Variants in AKT3 observed in about 807,000 individuals in gnomAD.
AKT3 encodes the protein AKT serine/threonine kinase 3.
AKT3 carries 15 observed loss-of-function variants against 65.3 expected under a neutral mutation model. That is an observed-to-expected ratio of 0.23 (90% CI 0.15 to 0.35). The LOEUF (loss-of-function observed/expected upper bound fraction) is 0.35, where lower values mean the gene tolerates loss of function less well. Among genes scored for constraint, AKT3 ranks in the 10% least tolerant of loss-of-function variants. AKT3 has a pLI of 1.00. For missense variants in AKT3, 243 were observed against 576.5 expected (o/e 0.42, Z 5.92); for synonymous variants, 206 against 183.8 (o/e 1.12, Z -0.98).
intron 6 of AKT3, among the ~76,000 whole-genome samples, chr1:243,619,174 A>G (rs989730433): frequency 3.3e-5 from 5 of 152,118 alleles, no homozygotes; most frequent in African/African-American, 1.2e-4. Flanking sequence ...GGAAGACACG[A>G]ATCAGGTGGG....
At chr1:243,792,987 G>A (rs993912800) in intron 2 of AKT3, among the ~76,000 whole-genome samples, 1 of 152,174 alleles carries the variant, frequency 6.6e-6, no homozygotes, top group Admixed American at 6.5e-5. Flanking sequence ...TGTCAGAACA[G>A]AAACAAACTT....
intron 2 of AKT3, among the ~76,000 whole-genome samples, chr1:243,718,644 T>A (rs1686673999): frequency 2.3e-5 from 1 of 44,186 alleles, no homozygotes. Flanking sequence ...CTTTTTTGTA[T>A]TTTTTTTTTC....
intron 10 of AKT3, among the ~76,000 whole-genome samples, chr1:243,554,597 T>C (rs369281707): frequency 6.6e-6 from 1 of 152,340 alleles, no homozygotes; most frequent in African/African-American, 2.4e-5. Flanking sequence ...TGACTTTTGA[T>C]GATTCAAGGA....
At chr1:243,527,108 T>C (rs1012152051) in intron 12 of AKT3, among the ~76,000 whole-genome samples, 1 of 152,200 alleles carries the variant, frequency 6.6e-6, no homozygotes, top group Non-Finnish European at 1.5e-5. Context: ...AGATGTTTAA[T>C]GAATAAACCG....
chr1:243,790,010 TTTTTCCACTGA>T (rs1359867208), intron 2 of AKT3, among the ~76,000 whole-genome samples: 1 of 152,182 alleles, frequency 6.6e-6, no homozygotes, highest in Non-Finnish European at 1.5e-5. Flanking sequence ...CCAGGCTCTC[TTTTTCCACTGA>T]TAGAGCACAG....
At chr1:243,763,467 C>G (rs1689624273) in intron 2 of AKT3, among the ~76,000 whole-genome samples, 1 of 152,016 alleles carries the variant, frequency 6.6e-6, no homozygotes, top group Non-Finnish European at 1.5e-5. Context: ...AAAACCCATT[C>G]AGGACAAAAG....
intron 6 of AKT3, among the ~76,000 whole-genome samples, chr1:243,629,689 G>A (rs1679454938): frequency 6.6e-6 from 1 of 152,204 alleles, no homozygotes; most frequent in Admixed American, 6.5e-5. Context: ...CTACTCAGGA[G>A]GCTGAGGCAG....
At chr1:243,610,743 T>G (rs1677809222) in intron 8 of AKT3, among the ~76,000 whole-genome samples, 1 of 152,182 alleles carries the variant, frequency 6.6e-6, no homozygotes, top group African/African-American at 2.4e-5. Flanking sequence ...GTGCATAATT[T>G]CAGAGATACT....
chr1:243,639,031 G>A (rs552232724), intron 5 of AKT3, among the ~76,000 whole-genome samples: 1 of 152,126 alleles, frequency 6.6e-6, no homozygotes, highest in African/African-American at 2.4e-5. Flanking sequence ...ACCAATATCA[G>A]GAATGACAGA....
At chr1:243,794,031 C>A (rs1026708986) in intron 2 of AKT3, among the ~76,000 whole-genome samples, 1 of 152,102 alleles carries the variant, frequency 6.6e-6, no homozygotes, top group Non-Finnish European at 1.5e-5. Context: ...CATTAAAAAG[C>A]ATTTTTTCTT....
In AKT3 at chr1:243,528,324, T is replaced by C. The variant is rs375189323; in HGVS notation, c.1252-15898A>G. ...TTTCTTAACTCTTCAATTTTCTCTA[T>C]TTTTTAAATTTTAGGTTGAGTGGCA... On this transcript the variant is annotated intron_variant, in intron 12 of 13. Transcript: ENST00000673466. Among the ~76,000 whole-genome samples the C allele has an allele frequency of 7.2e-5, 11 of 152,332 alleles. No homozygotes were observed. The East Asian group carries it at 1.9e-3, about 27-fold the overall frequency.
chr1:243,646,233 A>AG (rs1680803067), intron 4 of AKT3, among the ~76,000 whole-genome samples, 196 bp from the exon 5 acceptor site: 1 of 152,198 alleles, frequency 6.6e-6, no homozygotes, highest in Non-Finnish European at 1.5e-5. Context: ...ACATGCCTAA[A>AG]GTCTGTAGTA....
chr1:243,810,684 G>A (rs1693077403), intron 2 of AKT3, among the ~76,000 whole-genome samples: 1 of 152,174 alleles, frequency 6.6e-6, no homozygotes, highest in Admixed American at 6.5e-5. Flanking sequence ...TATGAGGCCA[G>A]CATCATCCTG....
At chr1:243,603,048 C>A (rs1374720171) in intron 8 of AKT3, among the ~76,000 whole-genome samples, 1 of 152,178 alleles carries the variant, frequency 6.6e-6, no homozygotes, top group Non-Finnish European at 1.5e-5. Context: ...CTACTTTATT[C>A]TCCCAGGATA....
chr1:243,718,845 A>C (rs1433394713), intron 2 of AKT3, among the ~76,000 whole-genome samples: 1 of 152,224 alleles, frequency 6.6e-6, no homozygotes, highest in African/African-American at 2.4e-5. Flanking sequence ...TATTCTATCC[A>C]ATATTTTGCA....
intron 4 of AKT3, among the ~76,000 whole-genome samples, chr1:243,662,206 G>A (rs1447035486): frequency 6.6e-6 from 1 of 152,084 alleles, no homozygotes; most frequent in Non-Finnish European, 1.5e-5. Context: ...CCATAACTGG[G>A]TATATACCCA....
intron 3 of AKT3, among the ~76,000 whole-genome samples, chr1:243,677,965 G>A (rs552065949): frequency 5.3e-5 from 8 of 152,218 alleles, no homozygotes; most frequent in African/African-American, 1.4e-4. Context: ...GCGGGTGCCT[G>A]TAATCCCATC....
At chr1:243,492,519 G>T (rs1574408472) in intron 13 of AKT3, among the ~76,000 whole-genome samples, 1 of 150,454 alleles carries the variant, frequency 6.6e-6, no homozygotes. Flanking sequence ...GGCCAGGCTG[G>T]TCTTGAACTC....
chr1:243,643,899 A>G (rs963947156), intron 5 of AKT3, among the ~76,000 whole-genome samples: 1 of 152,218 alleles, frequency 6.6e-6, no homozygotes, highest in East Asian at 1.9e-4. Context: ...ATTGATATAC[A>G]TAAGGGTATA....
Sources: gnomAD v4.1 joint callset for allele counts (sites outside exome capture counted in the v4.1 genomes callset) on GRCh38, gnomAD v4.1.1 for gene constraint, MANE v1.5 for transcripts, NCBI Gene and HGNC (gene_info 2026-07-23, HGNC 2026-07-21) for gene names.